GDA: variants seen among roughly 807,000 people sequenced by gnomAD.
The protein encoded by GDA is guanine deaminase.
Under a neutral mutation model 59.6 loss-of-function variants are expected in GDA, and 18 were observed. The ratio of observed to expected loss-of-function variants is 0.30; its 90% CI spans 0.21 to 0.45. GDA has a LOEUF of 0.45. Among genes scored for constraint, GDA ranks in the 20% least tolerant of loss-of-function variants. The probability of loss-of-function intolerance (pLI) is 1.00; values close to 1 mark genes in which losing one functional copy is unlikely to be tolerated. For missense variants in GDA, 427 were observed against 552.3 expected, an observed-to-expected ratio of 0.77 and a Z score of 2.27; for synonymous variants, 201 against 201.1, an observed-to-expected ratio of 1.00 and a Z score of 0.00.
chr9:72,147,494 G>A (rs971547888), upstream of GDA, among the ~76,000 whole-genome samples: 2 of 152,182 alleles, frequency 1.3e-5, no homozygotes, highest in Admixed American at 6.5e-5. Context: ...GTGAGCCATC[G>A]TGCCCAGCCA....
At chr9:72,238,578 G>T (rs1839272025) in intron 10 of GDA, among the ~76,000 whole-genome samples, 1 of 152,214 alleles carries the variant, frequency 6.6e-6, no homozygotes, top group South Asian at 2.1e-4. Flanking sequence ...GAATGCATAG[G>T]AAATGAGCAC....
At chr9:72,157,758 A>C (rs999047974) in intron 1 of GDA, among the ~76,000 whole-genome samples, 1 of 152,194 alleles carries the variant, frequency 6.6e-6, no homozygotes, top group Non-Finnish European at 1.5e-5. Flanking sequence ...CTAAGTTTCA[A>C]ATGTCCTGGA....
At chr9:72,150,316 C>T (rs995138600) in intron 1 of GDA, among the ~76,000 whole-genome samples, 4 of 144,888 alleles carry the variant, frequency 2.8e-5, no homozygotes, top group African/African-American at 5.4e-5. Context: ...TACACACACG[C>T]GTACACACAC....
At chr9:72,221,294 G>A (rs950123169) in intron 6 of GDA, among the ~76,000 whole-genome samples, 1 of 152,132 alleles carries the variant, frequency 6.6e-6, no homozygotes, top group East Asian at 1.9e-4. Flanking sequence ...CTTCATAAAG[G>A]CTACCCAGTC....
In GDA at chr9:72,233,543, T is replaced by C. The variant is rs1341112811; in HGVS notation, c.988+2362T>C. Among the ~76,000 whole-genome samples, 4 of 152,230 alleles carry C rather than the reference T, an allele frequency of 2.6e-5. No individual in the cohort carries two copies. The South Asian group carries it at 6.2e-4, about 24-fold the overall frequency. ...TGGATGGTACAACTACTTTGGAGAA[T>C]GTTTTGGGAGTTTCTTCTAAAGTTA... On this transcript the variant is annotated intron_variant, in intron 10 of 13. Transcript: ENST00000358399.
At chr9:72,193,038 T>C (rs1444422012) in intron 1 of GDA, among the ~76,000 whole-genome samples, 1 of 152,258 alleles carries the variant, frequency 6.6e-6, no homozygotes, top group Non-Finnish European at 1.5e-5. Flanking sequence ...CTCTGTGTTA[T>C]CTTGAGTTTC....
intron 1 of GDA, among the ~76,000 whole-genome samples, chr9:72,189,166 C>CCT (rs1450757127): frequency 3.3e-4 from 18 of 54,938 alleles, no homozygotes; most frequent in Non-Finnish European, 5.3e-4. Flanking sequence ...AGACTCTAGA[C>CCT]TTTTTTTTTT....
At chr9:72,206,112 C>T (rs111881781) in intron 3 of GDA, among the ~76,000 whole-genome samples, 2,894 of 152,146 alleles carry the variant, frequency 0.019, 99 homozygotes, top group African/African-American at 0.067. Context: ...TTGGGGATAG[C>T]TGAGATTTAT....
At chr9:72,198,622 G>A (rs1833510321) in intron 2 of GDA, among the ~76,000 whole-genome samples, 1 of 151,750 alleles carries the variant, frequency 6.6e-6, no homozygotes, top group African/African-American at 2.4e-5. Context: ...TTACAGCCAT[G>A]CATTTTTTTT....
chr9:72,162,791 G>A lies in GDA; in HGVS notation c.123+13109G>A, dbSNP rs1256026201. On this transcript the variant is annotated intron_variant, in intron 1 of 13. Transcript: ENST00000358399. ...TCCTGCCTCAGCCTCCCCAGTAGCTGGGACTACAGGCGCCCGCCACCACAA... is the reference window on the plus strand; with the variant it reads ...TCCTGCCTCAGCCTCCCCAGTAGCTAGGACTACAGGCGCCCGCCACCACAA... Among the ~76,000 whole-genome samples the A allele has an allele frequency of 2.6e-5, 4 of 151,986 alleles. No homozygotes were observed. In the East Asian group the frequency reaches 7.7e-4, roughly 29 times the overall value.
intron 1 of GDA, among the ~76,000 whole-genome samples, chr9:72,150,544 G>C (rs1455520131): frequency 1.3e-5 from 2 of 152,180 alleles, no homozygotes; most frequent in Admixed American, 6.5e-5. Flanking sequence ...TGGCAAGTTT[G>C]ATAAGTGAAG....
chr9:72,181,746 C>T (rs370566842), intron 1 of GDA, among the ~76,000 whole-genome samples: 42 of 152,222 alleles, frequency 2.8e-4, no homozygotes, highest in African/African-American at 9.6e-4. Context: ...CTCAAGCAAT[C>T]CTCACATTTC....
At chr9:72,189,166 C>CCTTT (rs1450757127) in intron 1 of GDA, among the ~76,000 whole-genome samples, 1 of 54,934 alleles carries the variant, frequency 1.8e-5, no homozygotes, top group Non-Finnish European at 3.3e-5. Context: ...AGACTCTAGA[C>CCTTT]TTTTTTTTTT....
chr9:72,221,169 G>T (rs11143176), intron 6 of GDA, among the ~76,000 whole-genome samples: 74,942 of 151,874 alleles, frequency 0.49, 18,588 homozygotes, highest in Middle Eastern at 0.56. Flanking sequence ...ACTGAATAGT[G>T]CTCAGGAAGG....
intron 1 of GDA, among the ~76,000 whole-genome samples, chr9:72,135,479 C>T (rs932172320): frequency 6.6e-6 from 1 of 152,122 alleles, no homozygotes; most frequent in South Asian, 2.1e-4. Context: ...ATCCAGGACC[C>T]AAATTCAGCT....
chr9:72,249,186 CA>C lies in GDA; in HGVS notation c.*845del, dbSNP rs780236218. On this transcript the variant is annotated 3_prime_UTR_variant, in exon 14 of 14. Coordinates refer to ENST00000358399, the MANE Select transcript of GDA (RefSeq NM_004293.5). ...ATTTTATTAGAAGAGAAACAAATTC[CA>C]TGCTTTATGGAATTTATGTAGACTG... 51 of 983,854 alleles carry C rather than the reference CA, an allele frequency of 5.2e-5. No homozygotes were observed. The highest frequency in any genetic ancestry group is 5.9e-5 in the Non-Finnish European group (49 of 828,718). 60.9% of individuals were successfully genotyped at this position (983,854 alleles called of 1,614,324 possible). A position where few individuals can be genotyped will look rare whatever the true frequency, so the allele number is the denominator to read the frequency against.
At chr9:72,189,806 C>T (rs1008429479) in intron 1 of GDA, among the ~76,000 whole-genome samples, 2 of 152,116 alleles carry the variant, frequency 1.3e-5, no homozygotes, top group African/African-American at 4.8e-5. Flanking sequence ...ATGCCCACTG[C>T]ACTCCAGCCT....
rs1840386094 is a variant in GDA at position 72,248,530 on chromosome 9, G to A, written c.*188G>A. 1 of 1,390,154 alleles carries A rather than the reference G, an allele frequency of 7.2e-7. No homozygotes were observed. The highest frequency in any genetic ancestry group is 1.5e-5 in the African/African-American group (1 of 64,854). 86.1% of individuals were successfully genotyped at this position (1,390,154 alleles called of 1,614,324 possible). ...GTTGCACTAATTCTCAACTCTGGTTGAGAGGGTTCATAAATTTCATGAAAA... is the reference window on the plus strand; with the variant it reads ...GTTGCACTAATTCTCAACTCTGGTTAAGAGGGTTCATAAATTTCATGAAAA... On this transcript the variant is annotated 3_prime_UTR_variant, in exon 14 of 14. Transcript: ENST00000358399.
chr9:72,196,815 T>C (rs1490629475), intron 2 of GDA, among the ~76,000 whole-genome samples: 1 of 142,006 alleles, frequency 7.0e-6, no homozygotes, highest in Non-Finnish European at 1.5e-5. Flanking sequence ...ATTGTTCAAC[T>C]CCCACTTACG....
Sources: allele counts gnomAD v4.1 joint callset (sites outside exome capture counted in the v4.1 genomes callset), GRCh38; gene constraint gnomAD v4.1.1; transcripts MANE v1.5; gene names NCBI Gene and HGNC (gene_info 2026-07-23, HGNC 2026-07-21).